Variants in PDYN observed in about 807,000 individuals in gnomAD.
PDYN encodes the protein proenkephalin-B.
PDYN carries 5 observed loss-of-function variants against 11.4 expected under a neutral mutation model. That is an observed-to-expected ratio of 0.44 (90% CI 0.23 to 0.92). PDYN has a LOEUF of 0.92. PDYN is among the 40% of genes least tolerant of loss of function. The probability of loss-of-function intolerance (pLI) is 0.24; values close to 1 mark genes in which losing one functional copy is unlikely to be tolerated. For missense variants in PDYN, 337 were observed against 317.3 expected, an observed-to-expected ratio of 1.06 and a Z score of -0.47; for synonymous variants, 132 against 129.5, an observed-to-expected ratio of 1.02 and a Z score of -0.13.
Position 1,980,847 on chromosome 20 carries a change from C to A in PDYN, c.241G>T (p.Asp81Tyr). 6.2e-7 allele frequency: 1 copy of A among 1,614,226 alleles called. No homozygotes were observed. The stretch of plus-strand genomic sequence containing the variant: ...TCCCCAACCGACTTGCTCCCCAAGT[C>A]CTCCTTGTCATTGAGCCCAAGGGTG... ...PSTLGLNDKE[D>Y]LGSKSVGEGP... is the part of the protein sequence containing the mutation. The change falls in exon 4 of 4, where the codon GAC becomes TAC. Residue 81 changes from aspartate (D) to tyrosine (Y), a missense_variant. By Grantham distance (160) the Asp-to-Tyr change is radical. Coordinates refer to ENST00000217305, the MANE Select transcript of PDYN (RefSeq NM_024411.5).
chr20:1,991,297 A>T (rs1988435565), intron 2 of PDYN, among the ~76,000 whole-genome samples: 1 of 152,204 alleles, frequency 6.6e-6, no homozygotes. Flanking sequence ...AAGCCAATGC[A>T]TCAACAAATT....
Position 1,987,373 on chromosome 20 carries a change from A to G in PDYN, c.-19-4270T>C, listed in dbSNP as rs1318991417. Among the ~76,000 whole-genome samples the G allele has an allele frequency of 2.6e-5, 4 of 152,210 alleles. No homozygotes were observed. The South Asian group carries it at 8.3e-4, about 32-fold the overall frequency. On this transcript the variant is annotated intron_variant, in intron 2 of 3. Coordinates refer to ENST00000217305, the MANE Select transcript of PDYN (RefSeq NM_024411.5). The stretch of plus-strand genomic sequence containing the variant: ...ACAGGCAATATTTTAAAATTAGGCA[A>G]TTTTTACATTTAAAAAAATCTCAAT...
intron 2 of PDYN, among the ~76,000 whole-genome samples, chr20:1,991,916 C>T (rs1024341661): frequency 1.3e-5 from 2 of 152,124 alleles, no homozygotes; most frequent in East Asian, 3.9e-4. Flanking sequence ...ACCAGCCCCT[C>T]AAATGAAAAT....
At position 1,992,565 on chromosome 20, in the gene PDYN, C is replaced by G. The variant is rs1988496642; in HGVS notation, c.-20+19G>C. 1 of 152,258 alleles carries G rather than the reference C, an allele frequency of 6.6e-6. No individual in the cohort carries two copies. The highest frequency in any genetic ancestry group is 1.5e-5 in the Non-Finnish European group (1 of 68,100). 9.4% of individuals were successfully genotyped at this position (152,258 alleles called of 1,614,324 possible). ...ATCCCGTCAGTGAACGCAAACCACCCCCAGGCAGCATAACTCACCGGCTTG... is the reference window on the plus strand; with the variant it reads ...ATCCCGTCAGTGAACGCAAACCACCGCCAGGCAGCATAACTCACCGGCTTG... On this transcript the variant is annotated intron_variant, in intron 2 of 3. Coordinates refer to ENST00000217305, the MANE Select transcript of PDYN (RefSeq NM_024411.5).
At chr20:1,990,358 A>G (rs192710593) in intron 2 of PDYN, among the ~76,000 whole-genome samples, 3 of 152,350 alleles carry the variant, frequency 2.0e-5, no homozygotes, top group East Asian at 3.9e-4. Context: ...AAACCATTTC[A>G]GAAGCTTTTG....
chr20:1,980,567 C>T lies in PDYN; in HGVS notation c.521G>A (p.Arg174His), dbSNP rs745539811. 7.4e-6 allele frequency: 12 copies of T among 1,614,130 alleles called. 1 individual carries two copies. The South Asian group carries it at 9.9e-5, about 13-fold the overall frequency. Reference protein sequence around the residue: ...AEEDPKEQVKRYGGFLRKYPK... With the variant: ...AEEDPKEQVKHYGGFLRKYPK... ...GTATTTGCGCAAAAAGCCCCCATAGCGTTTGACCTGCTCCTTGGGGTCCTC... is the reference window on the plus strand; with the variant it reads ...GTATTTGCGCAAAAAGCCCCCATAGTGTTTGACCTGCTCCTTGGGGTCCTC... The change falls in exon 4 of 4, where the codon CGC becomes CAC. Residue 174 changes from arginine to histidine, a missense_variant. Arg to His is a conservative substitution (Grantham distance 29, BLOSUM62 0). Transcript: ENST00000217305.
chr20:1,980,447 A>G lies in PDYN; in HGVS notation c.641T>C (p.Ile214Thr). 6.2e-7 allele frequency: 1 copy of G among 1,614,146 alleles called. No individual in the cohort carries two copies. Among genetic ancestry groups the G allele is most frequent in the Non-Finnish European group, 8.5e-7 (1 of 1,180,040 alleles). Residue 214 changes from isoleucine (I) to threonine (T), a missense_variant, in exon 4 of 4, where the codon ATT becomes ACT. By Grantham distance (89) the Ile-to-Thr change is moderately conservative. Coordinates refer to ENST00000217305, the MANE Select transcript of PDYN (RefSeq NM_024411.5). The part of the protein sequence containing the change: ...YKRYGGFLRR[I>T]RPKLKWDNQK... ...GTTGTCCCACTTGAGCTTGGGACGA[A>G]TGCGCCGCAAGAAGCCCCCATAGCG...
chr20:1,990,878 G>A (rs1002287527), intron 2 of PDYN, among the ~76,000 whole-genome samples: 1 of 151,194 alleles, frequency 6.6e-6, no homozygotes, highest in African/African-American at 2.4e-5. Flanking sequence ...AATGGCAGAG[G>A]TGAGAACTGC....
At position 1,980,886 on chromosome 20, in the gene PDYN, AAGAC is replaced by A; in HGVS notation, c.198_201del (p.Ser67PhefsTer36). 2 of 1,614,168 alleles carry A rather than the reference AAGAC, an allele frequency of 1.2e-6. No homozygotes were observed. The highest frequency in any genetic ancestry group is 1.1e-5 in the South Asian group (1 of 91,082). On this transcript the variant is annotated frameshift_variant, in exon 4 of 4. Coordinates refer to ENST00000217305, the MANE Select transcript of PDYN (RefSeq NM_024411.5). LOFTEE classifies it low-confidence loss of function (END_TRUNC). ...AGCCCAAGGGTGGAGGGGGTGAAAAAAGACAGAAAGCTCTGGCATCTCTCCCATT... is the reference window on the plus strand; with the variant it reads ...AGCCCAAGGGTGGAGGGGGTGAAAAAAGAAAGCTCTGGCATCTCTCCCATT...
chr20:1,980,271 C>T lies in PDYN; in HGVS notation c.*52G>A, dbSNP rs1356677709. 1.9e-6 allele frequency: 3 copies of T among 1,584,972 alleles called. No homozygotes were observed. Among genetic ancestry groups the T allele is most frequent in the African/African-American group, 1.3e-5 (1 of 74,474 alleles). ...AAGAGGATGAATGAATGCACTCCAACCTGAAAAGGTGTCAGGGGTTTCTCC... is the reference window on the plus strand; with the variant it reads ...AAGAGGATGAATGAATGCACTCCAATCTGAAAAGGTGTCAGGGGTTTCTCC... On this transcript the variant is annotated 3_prime_UTR_variant, in exon 4 of 4. Transcript: ENST00000217305.
At chr20:1,993,052 CT>C (rs57340342) in intron 1 of PDYN, among the ~76,000 whole-genome samples, 1,707 of 115,362 alleles carry the variant, frequency 0.015, 9 homozygotes, top group African/African-American at 0.026. Flanking sequence ...AGTCAGCAGG[CT>C]TTTTTTTTTT....
chr20:1,986,796 A>T (rs80058391), intron 2 of PDYN, among the ~76,000 whole-genome samples: 4,801 of 152,322 alleles, frequency 0.032, 270 homozygotes, highest in African/African-American at 0.11. Context: ...ATTTCAAAAC[A>T]AATGCTCCAC....
At chr20:1,991,425 C>T (rs1988442649) in intron 2 of PDYN, among the ~76,000 whole-genome samples, 1 of 152,208 alleles carries the variant, frequency 6.6e-6, no homozygotes, top group African/African-American at 2.4e-5. Flanking sequence ...AGGCCATCGT[C>T]CTCCTGCCAG....
At chr20:1,991,104 A>G (rs1235684950) in intron 2 of PDYN, among the ~76,000 whole-genome samples, 1 of 152,180 alleles carries the variant, frequency 6.6e-6, no homozygotes, top group African/African-American at 2.4e-5. Context: ...ATTTTGATTC[A>G]GGATGCTGAC....
chr20:1,988,490 C>A (rs1260811405), intron 2 of PDYN, among the ~76,000 whole-genome samples: 2 of 152,162 alleles, frequency 1.3e-5, no homozygotes, highest in East Asian at 3.9e-4. Flanking sequence ...TAAGAGAGAG[C>A]CCTGCCTGCC....
chr20:1,991,513 G>C (rs555279476), intron 2 of PDYN, among the ~76,000 whole-genome samples: 6 of 152,294 alleles, frequency 3.9e-5, no homozygotes, highest in Admixed American at 6.5e-5. Flanking sequence ...ACTCCATTTC[G>C]AGGGTCTGAT....
At chr20:1,989,261 A>C (rs1201540787) in intron 2 of PDYN, among the ~76,000 whole-genome samples, 1 of 152,194 alleles carries the variant, frequency 6.6e-6, no homozygotes. Context: ...CCCATTCTTC[A>C]GCCCTGAGCC....
At chr20:1,994,223 G>C (rs1988570097), upstream of PDYN, 2 of 153,632 alleles carry the variant, frequency 1.3e-5, no homozygotes, top group African/African-American at 4.8e-5. Flanking sequence ...GACACAATAG[G>C]CTTCTCTTCG....
chr20:1,992,485 T>C (rs1168623237), intron 2 of PDYN, 99 bp downstream of exon 2: 1 of 152,288 alleles, frequency 6.6e-6, no homozygotes, highest in Admixed American at 6.5e-5. Flanking sequence ...GGCATAGGGT[T>C]TGCCTGCCAC....
Sources: gnomAD v4.1 joint callset for allele counts (sites outside exome capture counted in the v4.1 genomes callset) on GRCh38, gnomAD v4.1.1 for gene constraint, MANE v1.5 for transcripts, NCBI Gene and HGNC (gene_info 2026-07-23, HGNC 2026-07-21) for gene names.